RFX7: variants seen among roughly 807,000 people sequenced by gnomAD.
RFX7 encodes the protein regulatory factor X7.
In RFX7, 26 loss-of-function variants were observed where a neutral mutation model predicts 111.8. The observed-to-expected ratio is 0.23, with a 90% confidence interval of 0.17 to 0.32. The LOEUF (loss-of-function observed/expected upper bound fraction) is 0.32, where lower values mean the gene tolerates loss of function less well. RFX7 is among the 10% of genes least tolerant of loss of function. The pLI, the probability that RFX7 is intolerant of heterozygous loss-of-function variation, is 1.00. For synonymous variants in RFX7, 624 were observed against 624.4 expected (o/e 1.00, Z 0.01); for missense variants, 1,573 against 1,772.9 (o/e 0.89, Z 2.02).
chr15:56,115,056 C>A (rs2041992626), intron 5 of RFX7, among the ~76,000 whole-genome samples: 8 of 152,008 alleles, frequency 5.3e-5, no homozygotes, highest in Admixed American at 4.6e-4. Context: ...TGTTGCCCAG[C>A]CTTGAGTGCA....
chr15:56,206,425 A>C (rs2043252635), intron 2 of RFX7, among the ~76,000 whole-genome samples: 2 of 152,294 alleles, frequency 1.3e-5, no homozygotes, highest in Middle Eastern at 3.4e-3. Context: ...GTGCACAATC[A>C]TGATGGAGAA....
intron 3 of RFX7, among the ~76,000 whole-genome samples, chr15:56,176,332 T>C (rs1180833201): frequency 1.3e-5 from 2 of 152,102 alleles, no homozygotes; most frequent in African/African-American, 4.8e-5. Flanking sequence ...AAAGCCCAAG[T>C]AGGACAAACA....
intron 3 of RFX7, among the ~76,000 whole-genome samples, chr15:56,178,203 A>ACG (rs200359378): frequency 0.031 from 4,621 of 148,864 alleles, 298 homozygotes; most frequent in African/African-American, 0.11. Context: ...ACACACACAC[A>ACG]CACACACAAC....
chr15:56,211,673 A>C (rs557131329), intron 2 of RFX7, among the ~76,000 whole-genome samples: 2 of 152,256 alleles, frequency 1.3e-5, no homozygotes, highest in Admixed American at 6.5e-5. Flanking sequence ...CTTACCCAAA[A>C]TACAGAAAGA....
At chr15:56,110,173 C>G (rs1433391772) in intron 5 of RFX7, among the ~76,000 whole-genome samples, 4 of 131,970 alleles carry the variant, frequency 3.0e-5, no homozygotes, top group East Asian at 4.9e-4. Context: ...CCAGCCGCCC[C>G]GTCCAGGAGG....
intron 5 of RFX7, among the ~76,000 whole-genome samples, chr15:56,115,970 T>G (rs72736484): frequency 0.071 from 10,785 of 151,850 alleles, 469 homozygotes; most frequent in Non-Finnish European, 0.1. Flanking sequence ...TTTAACTGCA[T>G]ATAAAATGTC....
At chr15:56,172,705 C>T (rs185886873) in intron 3 of RFX7, among the ~76,000 whole-genome samples, 46 of 152,112 alleles carry the variant, frequency 3.0e-4, no homozygotes, top group African/African-American at 1.1e-3. Context: ...GATCATTTAC[C>T]GGCAGCAAGA....
At chr15:56,110,691 G>A (rs866756428) in intron 5 of RFX7, among the ~76,000 whole-genome samples, 1 of 4,114 alleles carries the variant, frequency 2.4e-4, no homozygotes, top group African/African-American at 2.6e-4. Context: ...CCCTCTGCCC[G>A]GCCAGCCGCC....
At chr15:56,201,392 C>T (rs2043191748) in intron 2 of RFX7, among the ~76,000 whole-genome samples, 2 of 152,064 alleles carry the variant, frequency 1.3e-5, no homozygotes, top group African/African-American at 2.4e-5. Context: ...TTCCACAAGG[C>T]AGTAATAGAA....
rs370670660 is a variant in RFX7 at position 56,096,533 on chromosome 15, T to A, written c.1195A>T (p.Thr399Ser). ...TGTTTCACAGACTGCATGTGCTGAG[T>A]GACCACCTGTACATTGAGGGGAAGA... Reference protein sequence around the residue: ...KVLPLNVQVVTQHMQSVKQAP... With the variant: ...KVLPLNVQVVSQHMQSVKQAP... Residue 399 changes from threonine to serine, a missense_variant, in exon 10 of 10, where the codon ACT (threonine) becomes TCT (serine). Transcript: ENST00000559447. 6.2e-5 allele frequency: 99 copies of A among 1,601,508 alleles called. No individual in the cohort carries two copies. The Middle Eastern group carries it at 1.3e-3, about 21-fold the overall frequency.
At chr15:56,129,133 T>G (rs1378866854) in intron 5 of RFX7, among the ~76,000 whole-genome samples, 3 of 152,156 alleles carry the variant, frequency 2.0e-5, no homozygotes, top group Admixed American at 6.5e-5. Flanking sequence ...CCCAACACTT[T>G]GGGAGGCCGA....
At chr15:56,183,407 C>G (rs1165731916) in intron 2 of RFX7, among the ~76,000 whole-genome samples, 1 of 151,968 alleles carries the variant, frequency 6.6e-6, no homozygotes, top group African/African-American at 2.4e-5. Flanking sequence ...TTGAAGTTAG[C>G]TTTTCTCATT....
intron 2 of RFX7, among the ~76,000 whole-genome samples, chr15:56,216,035 T>C (rs1250488420): frequency 1.3e-5 from 2 of 152,200 alleles, no homozygotes; most frequent in African/African-American, 4.8e-5. Context: ...CAGTGCCTTT[T>C]ATGAACTATG....
intron 5 of RFX7, among the ~76,000 whole-genome samples, chr15:56,126,431 C>T (rs1385384301): frequency 1.3e-5 from 2 of 152,164 alleles, no homozygotes; most frequent in Non-Finnish European, 2.9e-5. Context: ...ATCCTCATCA[C>T]AAACAATTGT....
At chr15:56,244,375 A>T (rs1596036962), upstream of RFX7, 4 of 152,320 alleles carry the variant, frequency 2.6e-5, no homozygotes, top group African/African-American at 9.6e-5. Flanking sequence ...GGAAATCGCG[A>T]GTCAGGAGCT....
intron 5 of RFX7, among the ~76,000 whole-genome samples, 186 bp from the exon 6 acceptor site, chr15:56,103,856 A>G (rs2041793431): frequency 6.6e-6 from 1 of 152,220 alleles, no homozygotes; most frequent in African/African-American, 2.4e-5. Context: ...AGCTGGCTTC[A>G]ACCTCAGGGT....
At chr15:56,182,043 T>C (rs1159975654) in intron 2 of RFX7, among the ~76,000 whole-genome samples, 4 of 151,938 alleles carry the variant, frequency 2.6e-5, no homozygotes, top group Non-Finnish European at 4.4e-5. Flanking sequence ...CTGTCTCCCA[T>C]TGCTCCCAGA....
At chr15:56,216,530 C>T (rs1382668301) in intron 2 of RFX7, among the ~76,000 whole-genome samples, 25 of 151,974 alleles carry the variant, frequency 1.6e-4, no homozygotes, top group African/African-American at 5.1e-4. Context: ...CTTCTGACCC[C>T]GGAACATTTA....
intron 2 of RFX7, among the ~76,000 whole-genome samples, chr15:56,222,353 T>C (rs1231520669): frequency 3.3e-5 from 5 of 152,190 alleles, no homozygotes; most frequent in Non-Finnish European, 7.3e-5. Flanking sequence ...ATGATTTCTT[T>C]TGTGATTACT....
Sources: gnomAD v4.1 joint callset for allele counts (sites outside exome capture counted in the v4.1 genomes callset) on GRCh38, gnomAD v4.1.1 for gene constraint, MANE v1.5 for transcripts, NCBI Gene and HGNC (gene_info 2026-07-23, HGNC 2026-07-21) for gene names.